The following PDE11A variants were observed in gnomAD, a reference collection of about 807,000 sequenced individuals.
PDE11A encodes the protein phosphodiesterase 11A.
Under a neutral mutation model 100.5 loss-of-function variants are expected in PDE11A, and 100 were observed. That is an observed-to-expected ratio of 1.00 (90% CI 0.85 to 1.18). PDE11A has a LOEUF of 1.18. PDE11A is among the 50% of genes most tolerant of loss of function. The probability of loss-of-function intolerance (pLI) is 0.00; values close to 1 mark genes in which losing one functional copy is unlikely to be tolerated. For synonymous variants in PDE11A, 381 were observed against 420.8 expected (o/e 0.91, Z 1.16); for missense variants, 1,141 against 1,152.6 (o/e 0.99, Z 0.15).
At chr2:177,716,549 G>A (rs73028326) in intron 12 of PDE11A, among the ~76,000 whole-genome samples, 1,846 of 152,222 alleles carry the variant, frequency 0.012, 40 homozygotes, top group African/African-American at 0.042. Flanking sequence ...TTTTTGAGAA[G>A]GGGAGGGGGG....
intron 9 of PDE11A, among the ~76,000 whole-genome samples, chr2:177,814,479 C>T (rs1306684065): frequency 6.6e-6 from 1 of 152,102 alleles, no homozygotes; most frequent in African/African-American, 2.4e-5. Flanking sequence ...TCAAGAATTT[C>T]GTACTCAGTG....
At chr2:177,753,795 C>CTTGTT (rs371881284) in intron 10 of PDE11A, among the ~76,000 whole-genome samples, 16 of 151,180 alleles carry the variant, frequency 1.1e-4, no homozygotes, top group African/African-American at 3.4e-4. Flanking sequence ...CAACATCTAT[C>CTTGTT]TTGTATGCAT....
Position 177,945,732 on chromosome 2 carries a change from G to C in PDE11A, c.1072-40545C>G, listed in dbSNP as rs1197429135. Reference sequence around the variant, plus strand: ...CACCCCGTCCGGGAGGGAGGTGGGGGGGGTCAGCCCCCCGCCCGGCCAGCT... The same window carrying C: ...CACCCCGTCCGGGAGGGAGGTGGGGCGGGTCAGCCCCCCGCCCGGCCAGCT... On this transcript the variant is annotated intron_variant, in intron 2 of 19. Transcript: ENST00000286063. 6.6e-5 allele frequency among the ~76,000 whole-genome samples: 10 copies of C among 152,018 alleles called. No homozygotes were observed. The East Asian group carries it at 2.0e-3, about 30-fold the overall frequency.
chr2:177,994,615 G>A lies in PDE11A; in HGVS notation c.1071+19687C>T, dbSNP rs552651688. 4.6e-5 allele frequency among the ~76,000 whole-genome samples: 7 copies of A among 152,310 alleles called. No homozygotes were observed. In the East Asian group the frequency reaches 7.7e-4, roughly 17 times the overall value. On this transcript the variant is annotated intron_variant, in intron 2 of 19. Coordinates refer to ENST00000286063, the MANE Select transcript of PDE11A (RefSeq NM_016953.4). ...TTCAAGAAGGAGAATGACTTATTAC[G>A]ATGTGCATTGCTGAGGGAACAAAAA...
chr2:177,626,952 C>T lies in PDE11A; in HGVS notation c.*2455G>A, dbSNP rs1160408311. 2 of 135,274 alleles carry T rather than the reference C, an allele frequency of 1.5e-5. No individual in the cohort carries two copies. Among genetic ancestry groups the T allele is most frequent in the African/African-American group, 5.8e-5 (2 of 34,698 alleles). 8.4% of individuals were successfully genotyped at this position (135,274 alleles called of 1,614,324 possible). A position where few individuals can be genotyped will look rare whatever the true frequency, so the allele number is the denominator to read the frequency against. ...ACCACCTGTCTCGGTCCCTGTCTTT[C>T]CTTTACTGGTGTTCTTACGTTTCTT... is the stretch of plus-strand genomic sequence containing the variant. On this transcript the variant is annotated 3_prime_UTR_variant, in exon 20 of 20. Coordinates refer to ENST00000286063, the MANE Select transcript of PDE11A (RefSeq NM_016953.4).
At chr2:177,814,179 G>A (rs1196902670) in intron 9 of PDE11A, among the ~76,000 whole-genome samples, 1 of 151,906 alleles carries the variant, frequency 6.6e-6, no homozygotes, top group Non-Finnish European at 1.5e-5. Context: ...AATCTTTTAT[G>A]GGACTAAGCA....
chr2:177,807,268 C>G (rs186044722), intron 9 of PDE11A, among the ~76,000 whole-genome samples: 18 of 152,088 alleles, frequency 1.2e-4, no homozygotes, highest in Admixed American at 3.3e-4. Flanking sequence ...CTTAAAAGGG[C>G]TGAAAGAAAG....
chr2:177,676,374 A>T (rs548948662), intron 16 of PDE11A, among the ~76,000 whole-genome samples: 1 of 152,356 alleles, frequency 6.6e-6, no homozygotes, highest in South Asian at 2.1e-4. Context: ...TGAGCTGGGG[A>T]ACCACATCTT....
rs2079814933 is a variant in PDE11A at position 177,625,185 on chromosome 2, G to A, written c.*4222C>T. Reference sequence around the variant, plus strand: ...TTGTGCTTACATCTACCCCATATATGTAAGTTTTATTATGTCTTTATTAAG... The same window carrying A: ...TTGTGCTTACATCTACCCCATATATATAAGTTTTATTATGTCTTTATTAAG... On this transcript the variant is annotated 3_prime_UTR_variant, in exon 20 of 20. Transcript: ENST00000286063. The A allele has an allele frequency of 6.6e-6, 1 of 152,630 alleles. No homozygotes were observed. The highest frequency in any genetic ancestry group is 2.1e-4 in the South Asian group (1 of 4,824). The allele number at this position is 152,630 out of a possible 1,614,324, so 9.5% of individuals were successfully genotyped here. A position where few individuals can be genotyped will look rare whatever the true frequency, so the allele number is the denominator to read the frequency against.
intron 1 of PDE11A, among the ~76,000 whole-genome samples, chr2:178,056,729 G>A (rs543505863): frequency 2.6e-5 from 4 of 152,280 alleles, no homozygotes; most frequent in Admixed American, 2.0e-4. Flanking sequence ...TTTTATGAAA[G>A]AGGCCAATGA....
At position 177,711,852 on chromosome 2, in the gene PDE11A, G is replaced by A. The variant is rs758882128; in HGVS notation, c.2070C>T (p.Thr690=). 1.3e-5 allele frequency: 21 copies of A among 1,610,816 alleles called. No individual in the cohort carries two copies. In the African/African-American group the frequency reaches 1.5e-4, roughly 11 times the overall value. ...CAATCACCGCTAAAATTTCCACCTC[G>A]GTCAGAATGTCTTGAAACCCAGCAG... is the stretch of plus-strand genomic sequence containing the variant. ...LTTAGFQDIL[T]EVEILAVIVG... Residue 690 remains threonine (T), a synonymous_variant, in exon 13 of 20, where the codon ACC becomes ACT. Transcript: ENST00000286063.
chr2:177,692,652 T>C (rs1215510002), intron 15 of PDE11A, among the ~76,000 whole-genome samples: 1 of 152,192 alleles, frequency 6.6e-6, no homozygotes, highest in Non-Finnish European at 1.5e-5. Context: ...GAAAACGTTT[T>C]CAGTGAGTTG....
In PDE11A at chr2:177,634,388, C is replaced by CTTTTTT. The variant is rs1198925669; in HGVS notation, c.2647-4827_2647-4826insAAAAAA. 1.3e-3 allele frequency among the ~76,000 whole-genome samples: 79 copies of CTTTTTT among 61,092 alleles called. 1 individual carries two copies. Among genetic ancestry groups the CTTTTTT allele is most frequent in the East Asian group, 2.3e-3 (2 of 876 alleles). The allele number at this position is 61,092 out of a possible 152,430, so 40.1% of individuals were successfully genotyped here. A position where few individuals can be genotyped will look rare whatever the true frequency, so the allele number is the denominator to read the frequency against. ...TCTTGAAAACTTACTTTTTCTCTCT[C>CTTTTTT]TCTTTTTTTTTTTTTTGTGAGAAGG... On this transcript the variant is annotated intron_variant, in intron 19 of 19. Transcript: ENST00000286063.
intron 19 of PDE11A, among the ~76,000 whole-genome samples, chr2:177,660,089 TTCTTTCTTTCTCTCTCTC>T (rs2080458017): frequency 5.4e-5 from 2 of 37,092 alleles, no homozygotes; most frequent in East Asian, 2.2e-3. Context: ...CTTTCTTTCT[TTCTTTCTTTCTCTCTCTC>T]TCTCTTTCTT....
chr2:177,634,975 A>C (rs758519992), intron 19 of PDE11A, among the ~76,000 whole-genome samples: 28 of 152,144 alleles, frequency 1.8e-4, no homozygotes, highest in Non-Finnish European at 3.2e-4. Flanking sequence ...CTCCATATAC[A>C]CACGGAGGAA....
intron 9 of PDE11A, among the ~76,000 whole-genome samples, chr2:177,798,743 G>A (rs1221906645): frequency 5.3e-5 from 8 of 151,942 alleles, no homozygotes; most frequent in Non-Finnish European, 8.8e-5. Flanking sequence ...AATATATTGA[G>A]ATAAATAAAC....
At chr2:177,986,364 T>C (rs2085939268) in intron 2 of PDE11A, among the ~76,000 whole-genome samples, 1 of 152,188 alleles carries the variant, frequency 6.6e-6, no homozygotes, top group Admixed American at 6.5e-5. Context: ...TCAAAGCCTT[T>C]TCACAGTCTC....
chr2:177,948,036 A>G (rs1574301280), intron 2 of PDE11A, among the ~76,000 whole-genome samples: 1 of 149,642 alleles, frequency 6.7e-6, no homozygotes, highest in East Asian at 1.9e-4. Context: ...TGTGTGCACG[A>G]CCTTTTTTTT....
At chr2:177,914,218 T>G (rs1210699575) in intron 2 of PDE11A, among the ~76,000 whole-genome samples, 1 of 152,176 alleles carries the variant, frequency 6.6e-6, no homozygotes, top group African/African-American at 2.4e-5. Flanking sequence ...CATCTATTAC[T>G]TATTGCTCAG....
Sources: allele counts gnomAD v4.1 joint callset (sites outside exome capture counted in the v4.1 genomes callset), GRCh38; gene constraint gnomAD v4.1.1; transcripts MANE v1.5; gene names NCBI Gene and HGNC (gene_info 2026-07-23, HGNC 2026-07-21).